MPRIP: variants seen among roughly 807,000 people sequenced by gnomAD.
The protein encoded by MPRIP is myosin phosphatase Rho-interacting protein.
In MPRIP, 59 loss-of-function variants were observed where a neutral mutation model predicts 234.9. That is an observed-to-expected ratio of 0.25 (90% CI 0.20 to 0.31). The LOEUF is 0.31. Among genes scored for constraint, MPRIP ranks in the 10% least tolerant of loss-of-function variants. MPRIP has a pLI of 1.00. For synonymous variants in MPRIP, 1,144 were observed against 1,263.9 expected, an observed-to-expected ratio of 0.91 and a Z score of 2.01; for missense variants, 2,436 against 3,071.0, an observed-to-expected ratio of 0.79 and a Z score of 4.89.
chr17:17,171,033 GAC>G (rs903103180), intron 16 of MPRIP: 2 of 152,122 alleles, frequency 1.3e-5, no homozygotes, highest in African/African-American at 4.8e-5. Flanking sequence ...TAAGAAAGAA[GAC>G]ACAGGCTAGA....
intron 8 of MPRIP, among the ~76,000 whole-genome samples, 159 bp downstream of exon 8, chr17:17,142,924 G>A (rs764897811): frequency 4.6e-5 from 7 of 152,130 alleles, no homozygotes; most frequent in Non-Finnish European, 1.0e-4. Context: ...GAGCAGGCCT[G>A]TCTCCTGCAG....
chr17:17,176,711 T>C (rs554982290), intron 21 of MPRIP, among the ~76,000 whole-genome samples, 199 bp downstream of exon 21: 2 of 152,348 alleles, frequency 1.3e-5, no homozygotes, highest in South Asian at 4.1e-4. Flanking sequence ...ATGAGCAACC[T>C]GCCTGGCCTG....
chr17:17,069,495 T>C (rs1024349060), intron 1 of MPRIP, among the ~76,000 whole-genome samples: 1 of 151,862 alleles, frequency 6.6e-6, no homozygotes, highest in African/African-American at 2.4e-5. Context: ...TTTTTTTTTT[T>C]CCTGCTTCCT....
intron 1 of MPRIP, among the ~76,000 whole-genome samples, chr17:17,062,776 G>A (rs184156199): frequency 6.6e-6 from 1 of 152,360 alleles, no homozygotes; most frequent in East Asian, 1.9e-4. Context: ...TCTGTTGGGT[G>A]TTGAGCTCTT....
rs1240570324 is a variant in MPRIP, at chr17:17,185,680, ACT to A, written c.*789_*790del. On this transcript the variant is annotated 3_prime_UTR_variant, in exon 24 of 24. Coordinates refer to ENST00000651222, the MANE Select transcript of MPRIP (RefSeq NM_001364716.4). The stretch of plus-strand genomic sequence containing the variant: ...TGTTGACCTGCAGCCCAGGTTTCAG[ACT>A]CTGATTGCAAAAAACAAATGAATTC... The A allele has an allele frequency of 5.3e-6, 2 of 374,294 alleles. No homozygotes were observed. The highest frequency in any genetic ancestry group is 8.3e-5 in the East Asian group (1 of 12,046). The allele number at this position is 374,294 out of a possible 1,614,324, so 23.2% of individuals were successfully genotyped here. A position where few individuals can be genotyped will look rare whatever the true frequency, so the allele number is the denominator to read the frequency against.
At chr17:17,045,539 C>T (rs1161245150) in intron 1 of MPRIP, among the ~76,000 whole-genome samples, 1 of 152,192 alleles carries the variant, frequency 6.6e-6, no homozygotes, top group Non-Finnish European at 1.5e-5. Context: ...TTCCCCTACT[C>T]CTGTTCAGGG....
chr17:17,084,486 C>A (rs1567703821), intron 3 of MPRIP, among the ~76,000 whole-genome samples: 1 of 152,232 alleles, frequency 6.6e-6, no homozygotes, highest in Non-Finnish European at 1.5e-5. Flanking sequence ...GTCCATTTCA[C>A]AGTTGAAAAG....
Position 17,100,691 on chromosome 17 carries a change from C to T in MPRIP, c.267+22615C>T, listed in dbSNP as rs528117103. On this transcript the variant is annotated intron_variant, in intron 3 of 23. Transcript: ENST00000651222. ...AATGCCTGATGATCTGTTACTGTCT[C>T]CCATCACCCTCAGATGGCACCATCT... 2.6e-5 allele frequency among the ~76,000 whole-genome samples: 4 copies of T among 151,850 alleles called. 1 individual carries two copies. The highest frequency in any genetic ancestry group is 5.9e-5 in the Non-Finnish European group (4 of 68,000).
chr17:17,105,918 A>G (rs1329397636), intron 3 of MPRIP, among the ~76,000 whole-genome samples: 1 of 152,206 alleles, frequency 6.6e-6, no homozygotes, highest in African/African-American at 2.4e-5. Flanking sequence ...TGCCACTCAA[A>G]GGGAGGCATG....
In MPRIP at chr17:17,158,824, C is replaced by T. The variant is rs2045796670; in HGVS notation, c.2222C>T (p.Pro741Leu). 1 of 1,611,662 alleles carries T rather than the reference C, an allele frequency of 6.2e-7. No homozygotes were observed. The highest frequency in any genetic ancestry group is 8.5e-7 in the Non-Finnish European group (1 of 1,179,938). Residue 741 changes from proline to leucine, a missense_variant, in exon 14 of 24, where the codon CCT (proline) becomes CTT (leucine). Physicochemically the swap from Pro to Leu is moderately conservative, Grantham distance 98 (BLOSUM62 -3). Around this residue, in one of 4 missense-constraint regions of MPRIP, gnomAD observed 1,998 missense variants for 2,520.3 expected, o/e 0.79. Coordinates refer to ENST00000651222, the MANE Select transcript of MPRIP (RefSeq NM_001364716.4). ...GAGGTGGACCGGAGCCCAGGGCTGC[C>T]TATGAGCGACCTCAAAACGCATAAC... ...RMEVDRSPGLPMSDLKTHNVH... is the reference protein window; with the variant it reads ...RMEVDRSPGLLMSDLKTHNVH...
intron 3 of MPRIP, among the ~76,000 whole-genome samples, chr17:17,091,162 G>C (rs915988971): frequency 6.6e-6 from 1 of 152,092 alleles, no homozygotes; most frequent in Non-Finnish European, 1.5e-5. Context: ...CTGACTTCCA[G>C]TGGGTTTTCA....
intron 11 of MPRIP, among the ~76,000 whole-genome samples, chr17:17,148,774 G>A (rs1157145750): frequency 6.6e-6 from 1 of 152,104 alleles, no homozygotes; most frequent in Non-Finnish European, 1.5e-5. Context: ...CATTAATTTT[G>A]GGTGTTTGGC....
intron 23 of MPRIP, 76 bp downstream of exon 23, chr17:17,180,164 G>A: frequency 8.3e-7 from 1 of 1,210,454 alleles, no homozygotes; most frequent in East Asian, 2.4e-5. Context: ...TGAAGTATGA[G>A]TGCTCCCATG....
At chr17:17,152,452 T>C (rs542191694) in intron 12 of MPRIP, among the ~76,000 whole-genome samples, 1 of 152,358 alleles carries the variant, frequency 6.6e-6, no homozygotes, top group Admixed American at 6.5e-5. Context: ...GTAGGGCTTA[T>C]CCTGATGACT....
Position 17,166,843 on chromosome 17 carries a change from G to C in MPRIP, c.5252G>C (p.Gly1751Ala), listed in dbSNP as rs975754421. 1 of 1,304,036 alleles carries C rather than the reference G, an allele frequency of 7.7e-7. No homozygotes were observed. The highest frequency in any genetic ancestry group is 1.2e-5 in the South Asian group (1 of 81,032). 80.8% of individuals were successfully genotyped at this position (1,304,036 alleles called of 1,614,324 possible). The change falls in exon 16 of 24, where the codon GGA becomes GCA. Residue 1751 changes from glycine to alanine, a missense_variant. Transcript: ENST00000651222. The surrounding 1 kb of genome is among the most constrained non-coding windows in gnomAD (Gnocchi z 4.4). ...CTGTCCTGGGACCTGAGCCCCTTAG[G>C]AGAAGTCCTGGGCCGAGACTCAGAC... is the stretch of plus-strand genomic sequence containing the variant. The part of the protein sequence containing the change: ...VQLSWDLSPL[G>A]EVLGRDSDSS...
intron 13 of MPRIP, among the ~76,000 whole-genome samples, chr17:17,155,904 GCAGA>G (rs1376305728): frequency 1.3e-5 from 2 of 152,254 alleles, no homozygotes; most frequent in Non-Finnish European, 1.5e-5. Context: ...CCCATCAGGA[GCAGA>G]CACCCAAGCT....
chr17:17,050,171 C>G (rs548805465), intron 1 of MPRIP, among the ~76,000 whole-genome samples: 22 of 152,138 alleles, frequency 1.4e-4, no homozygotes, highest in African/African-American at 5.1e-4. Flanking sequence ...AAAAATTAAT[C>G]GGGCGTGGTG....
At position 17,138,052 on chromosome 17, in the gene MPRIP, C is replaced by G. The variant is rs752992244; in HGVS notation, c.873C>G (p.Pro291=). The G allele has an allele frequency of 1.9e-6, 3 of 1,608,208 alleles. No homozygotes were observed. The East Asian group carries it at 6.8e-5, about 36-fold the overall frequency. The part of the protein sequence containing the change: ...EQQLPPPLSP[P]SPSTPNHRYS... Reference sequence around the variant, plus strand: ...AGCTGCCCCCGCCGCTCTCCCCTCCCAGCCCCAGCACCCCCAACCACAGGT... The same window carrying G: ...AGCTGCCCCCGCCGCTCTCCCCTCCGAGCCCCAGCACCCCCAACCACAGGT... The change falls in exon 7 of 24, where the codon CCC becomes CCG. Residue 291 remains proline, a synonymous_variant. Transcript: ENST00000651222. This position sits in a 1 kb window ranked among gnomAD's most constrained non-coding sequence, Gnocchi z 5.8.
At chr17:17,105,566 G>A (rs1193432862) in intron 3 of MPRIP, among the ~76,000 whole-genome samples, 1 of 152,210 alleles carries the variant, frequency 6.6e-6, no homozygotes, top group African/African-American at 2.4e-5. Flanking sequence ...CTCAGAGATG[G>A]ATGGGTCCCT....
Sources: allele counts gnomAD v4.1 joint callset (sites outside exome capture counted in the v4.1 genomes callset), GRCh38; gene constraint gnomAD v4.1.1; regional missense constraint gnomAD v4.1.1; non-coding constraint Gnocchi (gnomAD v3.1); transcripts MANE v1.5; gene names NCBI Gene and HGNC (gene_info 2026-07-23, HGNC 2026-07-21).